Variants in TIAM1 observed in about 807,000 individuals in gnomAD.
TIAM1 encodes TIAM Rac1 associated GEF 1.
In TIAM1, 65 loss-of-function variants were observed where a neutral mutation model predicts 163.5. That is an observed-to-expected ratio of 0.40 (90% CI 0.33 to 0.49). The LOEUF (loss-of-function observed/expected upper bound fraction) is 0.49, where lower values mean the gene tolerates loss of function less well. TIAM1 is among the 20% of genes least tolerant of loss of function. The pLI is 0.77. For synonymous variants in TIAM1, 833 were observed against 810.1 expected (o/e 1.03, Z -0.48); for missense variants, 1,789 against 2,044.7 (o/e 0.87, Z 2.41).
At chr21:31,537,707 G>A (rs941827684) in intron 1 of TIAM1, among the ~76,000 whole-genome samples, 3 of 151,320 alleles carry the variant, frequency 2.0e-5, no homozygotes, top group Non-Finnish European at 2.9e-5. Flanking sequence ...ATCCAAGATC[G>A]CACCACTGCA....
chr21:31,309,771 C>A (rs531663427), intron 2 of TIAM1, among the ~76,000 whole-genome samples: 1 of 152,164 alleles, frequency 6.6e-6, no homozygotes, highest in Non-Finnish European at 1.5e-5. Context: ...ATGAAAAACC[C>A]AAATCTGATT....
chr21:31,274,229 A>G (rs1238855186), intron 3 of TIAM1, among the ~76,000 whole-genome samples: 2 of 152,144 alleles, frequency 1.3e-5, no homozygotes, highest in Non-Finnish European at 1.5e-5. Context: ...AAAAAAGTAC[A>G]TGAGTAAACA....
intron 2 of TIAM1, among the ~76,000 whole-genome samples, chr21:31,402,065 T>C (rs2077174972): frequency 6.6e-6 from 1 of 151,540 alleles, no homozygotes; most frequent in Admixed American, 6.6e-5. Context: ...TACAAAAAAT[T>C]AGCCGGGCGT....
intron 3 of TIAM1, among the ~76,000 whole-genome samples, chr21:31,271,216 TA>T (rs56668205): frequency 1.4e-5 from 2 of 147,698 alleles, no homozygotes; most frequent in African/African-American, 5.1e-5. Flanking sequence ...GGTGGTCCAT[TA>T]AAAAAAACAC....
chr21:31,386,336 C>G (rs2147185274), intron 2 of TIAM1, among the ~76,000 whole-genome samples: 1 of 152,236 alleles, frequency 6.6e-6, no homozygotes, highest in Non-Finnish European at 1.5e-5. Flanking sequence ...CACTCACCCT[C>G]CCTTCTTGGT....
At chr21:31,239,646 C>T (rs1052674075) in intron 6 of TIAM1, among the ~76,000 whole-genome samples, 1 of 151,558 alleles carries the variant, frequency 6.6e-6, no homozygotes, top group African/African-American at 2.4e-5. Context: ...TAATCAACAG[C>T]GATGATATAC....
At chr21:31,397,059 G>A (rs1011734609) in intron 2 of TIAM1, among the ~76,000 whole-genome samples, 17 of 152,136 alleles carry the variant, frequency 1.1e-4, no homozygotes, top group Non-Finnish European at 2.2e-4. Context: ...GTATTTAAGC[G>A]AACAACATTC....
chr21:31,133,719 C>T (rs1379635981), intron 23 of TIAM1, among the ~76,000 whole-genome samples: 1 of 152,228 alleles, frequency 6.6e-6, no homozygotes, highest in Non-Finnish European at 1.5e-5. Context: ...CTTCTGGCTC[C>T]AGTGGCAAAG....
intron 7 of TIAM1, among the ~76,000 whole-genome samples, chr21:31,225,340 A>G (rs1476407245): frequency 6.6e-6 from 1 of 152,164 alleles, no homozygotes; most frequent in East Asian, 1.9e-4. Context: ...TTCCAAATTA[A>G]GAATTCAAAA....
intron 1 of TIAM1, among the ~76,000 whole-genome samples, chr21:31,486,595 G>C (rs538469724): frequency 6.6e-6 from 1 of 152,360 alleles, no homozygotes; most frequent in Non-Finnish European, 1.5e-5. Flanking sequence ...CTGCTCCTCA[G>C]TGACCACTGC....
At position 31,130,114 on chromosome 21, in the gene TIAM1, A is replaced by G. The variant is rs1238412487; in HGVS notation, c.4045+99T>C. 3.0e-5 allele frequency: 27 copies of G among 888,404 alleles called. No individual in the cohort carries two copies. The Middle Eastern group carries it at 7.7e-4, about 25-fold the overall frequency. 55.0% of individuals were successfully genotyped at this position (888,404 alleles called of 1,614,324 possible). A position where few individuals can be genotyped will look rare whatever the true frequency, so the allele number is the denominator to read the frequency against. On this transcript the variant is annotated intron_variant, in intron 25 of 27. Coordinates refer to ENST00000541036, the MANE Select transcript of TIAM1 (RefSeq NM_001353694.2). ...GCATAGGGAAAAAAAAAAAAAAAAG[A>G]CGGTAGAAGAGTTAGACCAAGAGTG... is the stretch of plus-strand genomic sequence containing the variant.
At chr21:31,539,188 G>A (rs1465383608) in intron 1 of TIAM1, among the ~76,000 whole-genome samples, 1 of 147,494 alleles carries the variant, frequency 6.8e-6, no homozygotes, top group Non-Finnish European at 1.5e-5. Context: ...AAATGGTCTC[G>A]ACTAAATAAA....
intron 2 of TIAM1, among the ~76,000 whole-genome samples, chr21:31,285,855 G>A (rs989896132): frequency 4.6e-5 from 7 of 152,124 alleles, no homozygotes; most frequent in South Asian, 2.1e-4. Context: ...GTGAGATTCC[G>A]TCTCAACAAA....
Position 31,180,346 on chromosome 21 carries a change from C to T in TIAM1, c.2887+2075G>A, listed in dbSNP as rs111730005. ...TGTGTAAAGGGCCATAGAGTAAACA[C>T]TTTTGGCTTTGTAGACCCTAAGTCC... On this transcript the variant is annotated intron_variant, in intron 15 of 27. Coordinates refer to ENST00000541036, the MANE Select transcript of TIAM1 (RefSeq NM_001353694.2). 6.4e-3 allele frequency among the ~76,000 whole-genome samples: 979 copies of T among 152,274 alleles called. 8 individuals are homozygous for T. Among genetic ancestry groups the T allele is most frequent in the African/African-American group, 0.022 (922 of 41,536 alleles).
chr21:31,301,297 A>G (rs2074489514), intron 2 of TIAM1, among the ~76,000 whole-genome samples: 1 of 152,214 alleles, frequency 6.6e-6, no homozygotes, highest in African/African-American at 2.4e-5. Context: ...AATACAGTGG[A>G]ATTTAAAATT....
At chr21:31,267,692 G>A (rs1601767992) in intron 3 of TIAM1, among the ~76,000 whole-genome samples, 1 of 151,270 alleles carries the variant, frequency 6.6e-6, no homozygotes, top group South Asian at 2.1e-4. Flanking sequence ...GGATTTTGGG[G>A]CATTTGGGGA....
intron 2 of TIAM1, among the ~76,000 whole-genome samples, chr21:31,410,224 T>G (rs1569306523): frequency 6.6e-6 from 1 of 151,510 alleles, no homozygotes; most frequent in East Asian, 1.9e-4. Flanking sequence ...GAGACTGCAT[T>G]ATGTGATTGT....
In TIAM1 at chr21:31,395,469, C is replaced by T. The variant is rs1294904006; in HGVS notation, c.-368-56047G>A. On this transcript the variant is annotated intron_variant, in intron 2 of 28. Transcript: ENST00000286827. The surrounding 1 kb of genome is among the most constrained non-coding windows in gnomAD (Gnocchi z 7.5). Reference sequence around the variant, plus strand: ...AGCAGGGAAAATTGGACAAGAGGGGCCCTCGGAGACCGAGGTCATCTAAAC... The same window carrying T: ...AGCAGGGAAAATTGGACAAGAGGGGTCCTCGGAGACCGAGGTCATCTAAAC... Among the ~76,000 whole-genome samples, 3 of 152,118 alleles carry T rather than the reference C, an allele frequency of 2.0e-5. No homozygotes were observed. Among genetic ancestry groups the T allele is most frequent in the South Asian group, 2.1e-4 (1 of 4,810 alleles).
chr21:31,554,276 C>G (rs1243881492), intron 1 of TIAM1, among the ~76,000 whole-genome samples: 1 of 152,176 alleles, frequency 6.6e-6, no homozygotes, highest in Non-Finnish European at 1.5e-5. Flanking sequence ...CCAATTATAT[C>G]TTTTTCCCAG....
Sources: gnomAD v4.1 joint callset for allele counts (sites outside exome capture counted in the v4.1 genomes callset) on GRCh38, gnomAD v4.1.1 for gene constraint, Gnocchi (gnomAD v3.1) non-coding constraint, MANE v1.5 for transcripts, NCBI Gene and HGNC (gene_info 2026-07-23, HGNC 2026-07-21) for gene names.